GM2A: variants seen among roughly 807,000 people sequenced by gnomAD.
GM2A encodes the protein GM2 ganglioside activator.
GM2A carries 7 observed loss-of-function variants against 12.9 expected under a neutral mutation model. That is an observed-to-expected ratio of 0.54 (90% CI 0.31 to 1.02). The LOEUF is 1.02. Ranked by LOEUF, GM2A falls within the 50% of genes least tolerant of loss-of-function variation. The probability of loss-of-function intolerance (pLI) is 0.05; values close to 1 mark genes in which losing one functional copy is unlikely to be tolerated. For missense variants in GM2A, 246 were observed against 241.0 expected, an observed-to-expected ratio of 1.02 and a Z score of -0.14; for synonymous variants, 101 against 96.0, an observed-to-expected ratio of 1.05 and a Z score of -0.30.
chr5:151,267,495 C>G lies in GM2A; in HGVS notation c.*44C>G. The G allele has an allele frequency of 6.2e-7, 1 of 1,613,460 alleles. No homozygotes were observed. The highest frequency in any genetic ancestry group is 1.1e-5 in the South Asian group (1 of 90,910). ...AGAATGGAGCGGTGTGAGGAAGGTC[C>G]CTTTTCCTCTGTTTTGTGTTTGCCA... On this transcript the variant is annotated 3_prime_UTR_variant, in exon 4 of 4. Transcript: ENST00000357164.
At chr5:151,264,660 A>G (rs558564073) in intron 2 of GM2A, among the ~76,000 whole-genome samples, 5 of 152,302 alleles carry the variant, frequency 3.3e-5, no homozygotes, top group Middle Eastern at 3.4e-3. Context: ...TGAGAGAGGT[A>G]GGCACTCTAA....
Position 151,267,293 on chromosome 5 carries a change from C to T in GM2A, c.427-3C>T, listed in dbSNP as rs750119351. The T allele has an allele frequency of 5.0e-6, 8 of 1,614,156 alleles. No individual in the cohort carries two copies. Among genetic ancestry groups the T allele is most frequent in the Non-Finnish European group, 6.8e-6 (8 of 1,179,980 alleles). Reference sequence around the variant, plus strand: ...GACTGGCGGTCCACTGGCTTTCCCGCAGGGAACCTACTCACTGCCCAAGAG... The same window carrying T: ...GACTGGCGGTCCACTGGCTTTCCCGTAGGGAACCTACTCACTGCCCAAGAG... On this transcript the variant is annotated splice_region_variant and splice_polypyrimidine_tract_variant and intron_variant, in intron 3 of 3. Transcript: ENST00000357164.
At chr5:151,264,091 C>T (rs1361356600) in intron 2 of GM2A, among the ~76,000 whole-genome samples, 2 of 152,146 alleles carry the variant, frequency 1.3e-5, no homozygotes, top group African/African-American at 4.8e-5. Flanking sequence ...GTTTTCCCAT[C>T]CTCAAGAACT....
At position 151,268,839 on chromosome 5, in the gene GM2A, A is replaced by T; in HGVS notation, c.*1388A>T. 1.0e-6 allele frequency: 1 copy of T among 985,220 alleles called. No homozygotes were observed. Among genetic ancestry groups the T allele is most frequent in the South Asian group, 4.7e-5 (1 of 21,284 alleles). 61.0% of individuals were successfully genotyped at this position (985,220 alleles called of 1,614,324 possible). ...ACTGGCTCATGGGTGGCCACGTCAC[A>T]ACCTCTGATCTCAGACCGTGCATGC... On this transcript the variant is annotated 3_prime_UTR_variant, in exon 4 of 4. Transcript: ENST00000357164.
Position 151,266,865 on chromosome 5 carries a change from A to G in GM2A, c.378A>G (p.Pro126=). ...DMLIPTGEPC[P]EPLRTYGLPC... ...TAATTCCTACTGGGGAGCCCTGCCC[A>G]GAGCCCCTGCGTACCTATGGGCTTC... Residue 126 remains proline (P), a synonymous_variant, in exon 3 of 4, where the codon CCA becomes CCG. Coordinates refer to ENST00000357164, the MANE Select transcript of GM2A (RefSeq NM_000405.5). 6.2e-7 allele frequency: 1 copy of G among 1,614,084 alleles called. No individual in the cohort carries two copies.
At chr5:151,264,956 T>C (rs1427087386) in intron 2 of GM2A, among the ~76,000 whole-genome samples, 1 of 150,494 alleles carries the variant, frequency 6.6e-6, no homozygotes, top group East Asian at 2.0e-4. Flanking sequence ...TACTCCAGCC[T>C]AGGTGACAGA....
rs1403515162 is a variant in GM2A, at chr5:151,269,220, A to G, written c.*1769A>G. The G allele has an allele frequency of 9.1e-6, 9 of 985,330 alleles. No individual in the cohort carries two copies. Among genetic ancestry groups the G allele is most frequent in the Non-Finnish European group, 1.1e-5 (9 of 829,944 alleles). 61.0% of individuals were successfully genotyped at this position (985,330 alleles called of 1,614,324 possible). A position where few individuals can be genotyped will look rare whatever the true frequency, so the allele number is the denominator to read the frequency against. On this transcript the variant is annotated 3_prime_UTR_variant, in exon 4 of 4. Transcript: ENST00000357164. ...GGCTCATTTGAAGCCTGGAATAGCA[A>G]TAAATCTTTTTAACTTGCGGACAGT...
In GM2A at chr5:151,267,815, C is replaced by CT. The variant is rs397712620; in HGVS notation, c.*376dup. ...TCTTTATGACTCTCTCTCTTTCACT[C>CT]TTTTTTTTTTTTGTCACTAAGTTAA... is the stretch of plus-strand genomic sequence containing the variant. On this transcript the variant is annotated 3_prime_UTR_variant, in exon 4 of 4. Coordinates refer to ENST00000357164, the MANE Select transcript of GM2A (RefSeq NM_000405.5). 9,806 of 1,006,086 alleles carry CT rather than the reference C, an allele frequency of 9.7e-3. 3 individuals are homozygous for CT. The highest frequency in any genetic ancestry group is 0.018 in the African/African-American group (1,047 of 58,560). The allele number at this position is 1,006,086 out of a possible 1,614,324, so 62.3% of individuals were successfully genotyped here.
In GM2A at chr5:151,270,165, A is replaced by C. The variant is rs1580794740; in HGVS notation, c.*2714A>C. ...TCAATCGCAGGTCAAAGCAGACTTTAATAAATGGTGCTGAGCCAACTGGAA... is the reference window on the plus strand; with the variant it reads ...TCAATCGCAGGTCAAAGCAGACTTTCATAAATGGTGCTGAGCCAACTGGAA... On this transcript the variant is annotated 3_prime_UTR_variant, in exon 4 of 4. Transcript: ENST00000357164. 1 of 860,454 alleles carries C rather than the reference A, an allele frequency of 1.2e-6. No individual in the cohort carries two copies. 53.3% of individuals were successfully genotyped at this position (860,454 alleles called of 1,614,324 possible).
intron 2 of GM2A, among the ~76,000 whole-genome samples, chr5:151,260,736 A>G (rs1293704342): frequency 1.3e-5 from 2 of 152,238 alleles, no homozygotes; most frequent in African/African-American, 4.8e-5. Flanking sequence ...AATTACATAC[A>G]TAACACACAT....
At chr5:151,260,127 C>T (rs1186192802) in intron 2 of GM2A, among the ~76,000 whole-genome samples, 1 of 152,220 alleles carries the variant, frequency 6.6e-6, no homozygotes, top group East Asian at 1.9e-4. Context: ...GCGCCAGCAA[C>T]TTCCTGGTGA....
At chr5:151,262,689 A>T (rs1753817847) in intron 2 of GM2A, among the ~76,000 whole-genome samples, 1 of 152,176 alleles carries the variant, frequency 6.6e-6, no homozygotes, top group Admixed American at 6.5e-5. Context: ...CAAGGGATGG[A>T]ATCATTCCCT....
At chr5:151,264,897 G>A (rs556694303) in intron 2 of GM2A, among the ~76,000 whole-genome samples, 4 of 151,812 alleles carry the variant, frequency 2.6e-5, no homozygotes, top group South Asian at 2.1e-4. Flanking sequence ...CAGGAGAATC[G>A]CTTGAACGCA....
Position 151,267,997 on chromosome 5 carries a change from A to G in GM2A, c.*546A>G, listed in dbSNP as rs1189475912. On this transcript the variant is annotated 3_prime_UTR_variant, in exon 4 of 4. Coordinates refer to ENST00000357164, the MANE Select transcript of GM2A (RefSeq NM_000405.5). The stretch of plus-strand genomic sequence containing the variant: ...CCCAATTAATACTAGGGTGCAGTGT[A>G]TCCTGGAGAGGTAGGGTGTGTGGGG... 4.6e-6 allele frequency: 5 copies of G among 1,090,690 alleles called. No homozygotes were observed. The highest frequency in any genetic ancestry group is 5.6e-6 in the Non-Finnish European group (5 of 893,520). 67.6% of individuals were successfully genotyped at this position (1,090,690 alleles called of 1,614,324 possible). A position where few individuals can be genotyped will look rare whatever the true frequency, so the allele number is the denominator to read the frequency against.
At chr5:151,256,608 GAAAAAAAA>G (rs60009533) in intron 1 of GM2A, among the ~76,000 whole-genome samples, 1 of 121,654 alleles carries the variant, frequency 8.2e-6, no homozygotes, top group African/African-American at 3.1e-5. Flanking sequence ...TCTGTCTCAA[GAAAAAAAA>G]AAAAAAAAGA....
At chr5:151,264,169 C>CA (rs1242113388) in intron 2 of GM2A, among the ~76,000 whole-genome samples, 1 of 152,350 alleles carries the variant, frequency 6.6e-6, no homozygotes, top group Non-Finnish European at 1.5e-5. Context: ...TTGGCTCCCC[C>CA]AGCACCCAAA....
Position 151,253,213 on chromosome 5 carries a change from C to G in GM2A, c.-4C>G, listed in dbSNP as rs893045422. On this transcript the variant is annotated 5_prime_UTR_variant, in exon 1 of 4. Coordinates refer to ENST00000357164, the MANE Select transcript of GM2A (RefSeq NM_000405.5). Reference sequence around the variant, plus strand: ...GTTAACTCCGCCCTGACCCACCCTTCCCGATGCAGTCCCTGATGCAGGCTC... The same window carrying G: ...GTTAACTCCGCCCTGACCCACCCTTGCCGATGCAGTCCCTGATGCAGGCTC... 2 of 1,612,976 alleles carry G rather than the reference C, an allele frequency of 1.2e-6. No homozygotes were observed. Among genetic ancestry groups the G allele is most frequent in the East Asian group, 4.5e-5 (2 of 44,884 alleles).
In GM2A at chr5:151,263,483, G is replaced by A. The variant is rs1336725653; in HGVS notation, c.244-3248G>A. Among the ~76,000 whole-genome samples, 12 of 152,128 alleles carry A rather than the reference G, an allele frequency of 7.9e-5. No homozygotes were observed. In the South Asian group the frequency reaches 2.5e-3, roughly 31 times the overall value. ...AAAGCTCTTCTGACCACTTGCTAGG[G>A]AGAAGAGCCGATGAGGGACAAAGGG... On this transcript the variant is annotated intron_variant, in intron 2 of 3. Coordinates refer to ENST00000357164, the MANE Select transcript of GM2A (RefSeq NM_000405.5).
At chr5:151,257,625 A>G (rs1485184786) in intron 1 of GM2A, among the ~76,000 whole-genome samples, 1 of 152,122 alleles carries the variant, frequency 6.6e-6, no homozygotes, top group African/African-American at 2.4e-5. Context: ...CACTGCCCCT[A>G]TAGTAAATGC....
Sources: gnomAD v4.1 joint callset for allele counts (sites outside exome capture counted in the v4.1 genomes callset) on GRCh38, gnomAD v4.1.1 for gene constraint, MANE v1.5 for transcripts, NCBI Gene and HGNC (gene_info 2026-07-23, HGNC 2026-07-21) for gene names.